Variants in CSNK2A2IP observed in about 807,000 individuals in gnomAD.
CSNK2A2IP encodes casein kinase 2 subunit alpha' interacting protein.
chr3:88,364,441 G>A, the CSNK2A2IP span, among the ~76,000 whole-genome samples: 1 of 151,684 alleles, frequency 6.6e-6, no homozygotes, highest in Non-Finnish European at 1.5e-5. Context: ...ACAAATGTTA[G>A]GGCAGACATA....
At chr3:88,405,586 T>C in the CSNK2A2IP span, among the ~76,000 whole-genome samples, 1 of 152,204 alleles carries the variant, frequency 6.6e-6, no homozygotes, top group Admixed American at 6.5e-5. Flanking sequence ...GGAATAATAA[T>C]AGCTTAGTGA....
chr3:88,438,239 C>T, the CSNK2A2IP span, among the ~76,000 whole-genome samples: 1 of 152,080 alleles, frequency 6.6e-6, no homozygotes, highest in Non-Finnish European at 1.5e-5. Flanking sequence ...CATTCATATT[C>T]CTATTTGTTG....
At chr3:88,383,867 G>A in the CSNK2A2IP span, among the ~76,000 whole-genome samples, 1 of 151,950 alleles carries the variant, frequency 6.6e-6, no homozygotes, top group Non-Finnish European at 1.5e-5. Context: ...GGTTCACCGT[G>A]TTAGCCAGGA....
chr3:88,363,840 T>C, the CSNK2A2IP span, among the ~76,000 whole-genome samples: 1 of 152,190 alleles, frequency 6.6e-6, no homozygotes, highest in Non-Finnish European at 1.5e-5. Context: ...ATATAATAAA[T>C]GTTCTGAGTC....
chr3:88,434,396 C>A, the CSNK2A2IP span, among the ~76,000 whole-genome samples: 2 of 152,252 alleles, frequency 1.3e-5, no homozygotes, highest in Non-Finnish European at 2.9e-5. Flanking sequence ...GAGGATCTCT[C>A]TACCTATTGT....
the CSNK2A2IP span, among the ~76,000 whole-genome samples, chr3:88,462,309 T>C: frequency 6.6e-6 from 1 of 152,138 alleles, no homozygotes; most frequent in African/African-American, 2.4e-5. Flanking sequence ...TTTTGCCATC[T>C]AGAAGCTTGG....
chr3:88,457,552 C>A, the CSNK2A2IP span, among the ~76,000 whole-genome samples: 2 of 151,728 alleles, frequency 1.3e-5, no homozygotes, highest in Non-Finnish European at 2.9e-5. Flanking sequence ...AAAAAATTAG[C>A]TGGGCATGGT....
chr3:88,405,351 G>A, the CSNK2A2IP span, among the ~76,000 whole-genome samples: 2 of 152,072 alleles, frequency 1.3e-5, no homozygotes, highest in African/African-American at 4.8e-5. Flanking sequence ...TGTATCAAGA[G>A]GTTCTTTTAA....
At chr3:88,429,736 A>AT in the CSNK2A2IP span, among the ~76,000 whole-genome samples, 3 of 151,842 alleles carry the variant, frequency 2.0e-5, no homozygotes, top group Middle Eastern at 3.4e-3. Context: ...GAGTAGGAGC[A>AT]TTTTTTTTGT....
the CSNK2A2IP span, among the ~76,000 whole-genome samples, chr3:88,344,305 AT>A: frequency 6.6e-6 from 1 of 151,824 alleles, no homozygotes; most frequent in Non-Finnish European, 1.5e-5. Flanking sequence ...AAATGTTTAT[AT>A]TTTTTTAGAC....
At chr3:88,463,473 G>T in the CSNK2A2IP span, among the ~76,000 whole-genome samples, 2 of 152,086 alleles carry the variant, frequency 1.3e-5, no homozygotes, top group South Asian at 4.2e-4. Context: ...CGTAAACATC[G>T]CCCACTTTTT....
chr3:88,350,709 T>TAACCAAAATA, the CSNK2A2IP span, among the ~76,000 whole-genome samples: 194 of 151,308 alleles, frequency 1.3e-3, 2 homozygotes, highest in African/African-American at 4.3e-3. Flanking sequence ...TTACAACAAA[T>TAACCAAAATA]AACCAAAATA....
chr3:88,411,987 A>G, the CSNK2A2IP span, among the ~76,000 whole-genome samples: 22 of 151,852 alleles, frequency 1.4e-4, no homozygotes, highest in Non-Finnish European at 2.7e-4. Context: ...CTTGCATTGT[A>G]TTTCTATTTG....
chr3:88,427,601 C>T, the CSNK2A2IP span, among the ~76,000 whole-genome samples: 1 of 152,136 alleles, frequency 6.6e-6, no homozygotes, highest in African/African-American at 2.4e-5. Flanking sequence ...GGACTTGGTC[C>T]TCTGTGTCCC....
At chr3:88,406,699 T>A in the CSNK2A2IP span, among the ~76,000 whole-genome samples, 1 of 152,222 alleles carries the variant, frequency 6.6e-6, no homozygotes, top group Non-Finnish European at 1.5e-5. Context: ...TATCTTTCTT[T>A]GGCTAGAAGG....
the CSNK2A2IP span, chr3:88,466,041 C>A: frequency 4.9e-6 from 6 of 1,231,672 alleles, no homozygotes; most frequent in Non-Finnish European, 6.1e-6. Flanking sequence ...CATTGGACTA[C>A]CTTTGGACAT....
chr3:88,452,963 A>C, the CSNK2A2IP span, among the ~76,000 whole-genome samples: 3 of 152,190 alleles, frequency 2.0e-5, no homozygotes, highest in South Asian at 6.2e-4. Flanking sequence ...AGGTTTGGAG[A>C]AGGTAGTCTT....
chr3:88,346,737 C>A, the CSNK2A2IP span, among the ~76,000 whole-genome samples: 3 of 151,974 alleles, frequency 2.0e-5, no homozygotes, highest in African/African-American at 7.2e-5. Context: ...TCTGGTCACT[C>A]AGGAGCTCTG....
the CSNK2A2IP span, among the ~76,000 whole-genome samples, chr3:88,406,060 A>G: frequency 1.3e-5 from 2 of 152,136 alleles, no homozygotes; most frequent in African/African-American, 2.4e-5. Flanking sequence ...AATAAAAAAT[A>G]TATAATCTTT....
Sources: gnomAD v4.1 joint callset for allele counts (sites outside exome capture counted in the v4.1 genomes callset) on GRCh38, gnomAD v4.1.1 for gene constraint, MANE v1.5 for transcripts, NCBI Gene and HGNC (gene_info 2026-07-23, HGNC 2026-07-21) for gene names.